Variants in ARFGEF1 observed in about 807,000 individuals in gnomAD.
ARFGEF1 encodes the protein brefeldin A-inhibited guanine nucleotide-exchange protein 1.
A neutral mutation model predicts 231.0 loss-of-function variants in ARFGEF1; 42 were observed. That is an observed-to-expected ratio of 0.18 (90% CI 0.14 to 0.24). The LOEUF (loss-of-function observed/expected upper bound fraction) is 0.24. Ranked by LOEUF, ARFGEF1 falls within the 10% of genes least tolerant of loss-of-function variation. The probability of loss-of-function intolerance (pLI) is 1.00; values close to 1 mark genes in which losing one functional copy is unlikely to be tolerated. For missense variants in ARFGEF1, 1,345 were observed against 2,192.0 expected, an observed-to-expected ratio of 0.61 and a Z score of 7.72; for synonymous variants, 710 against 732.3, an observed-to-expected ratio of 0.97 and a Z score of 0.49.
chr8:67,189,838 A>G (rs1835721854), intron 5 of ARFGEF1, among the ~76,000 whole-genome samples: 1 of 152,182 alleles, frequency 6.6e-6, no homozygotes, highest in South Asian at 2.1e-4. Flanking sequence ...ACTTTTCTTT[A>G]GGTATAATTT....
At chr8:67,269,949 G>A (rs1805007229) in intron 10 of ARFGEF1, among the ~76,000 whole-genome samples, 1 of 151,902 alleles carries the variant, frequency 6.6e-6, no homozygotes, top group Non-Finnish European at 1.5e-5. Context: ...ATATTTTACT[G>A]TCGGTAAACA....
chr8:67,215,487 T>C (rs1838893646), intron 33 of ARFGEF1, among the ~76,000 whole-genome samples: 1 of 152,210 alleles, frequency 6.6e-6, no homozygotes, highest in Admixed American at 6.5e-5. Flanking sequence ...ATTAACGATC[T>C]TGAGATGAGA....
rs55761125 is a variant in ARFGEF1, at chr8:67,307,445, G to A, written c.125-4979C>T. On this transcript the variant is annotated intron_variant, in intron 1 of 38. Transcript: ENST00000262215. Reference sequence around the variant, plus strand: ...GAAAAGCTGGTGACAACAGGGATGAGTAAATGTAAATTCCACGGACAAGGA... The same window carrying A: ...GAAAAGCTGGTGACAACAGGGATGAATAAATGTAAATTCCACGGACAAGGA... 3.3e-5 allele frequency among the ~76,000 whole-genome samples: 5 copies of A among 152,214 alleles called. No homozygotes were observed. In the East Asian group the frequency reaches 7.7e-4, roughly 23 times the overall value.
intron 22 of ARFGEF1, among the ~76,000 whole-genome samples, chr8:67,234,621 A>G (rs1477594200): frequency 6.6e-6 from 1 of 152,178 alleles, no homozygotes; most frequent in Non-Finnish European, 1.5e-5. Flanking sequence ...AGTAGGAGAT[A>G]AAGCTGAAAA....
At chr8:67,219,346 A>C in intron 30 of ARFGEF1, 85 bp downstream of exon 30, 1 of 1,445,276 alleles carries the variant, frequency 6.9e-7, no homozygotes, top group Non-Finnish European at 9.2e-7. Flanking sequence ...TTCTGTACTT[A>C]ATTTGAAACA....
intron 1 of ARFGEF1, among the ~76,000 whole-genome samples, chr8:67,332,767 C>T (rs578216424): frequency 6.6e-6 from 1 of 152,248 alleles, no homozygotes; most frequent in Admixed American, 6.5e-5. Flanking sequence ...CAGCACAGGA[C>T]TGACACATTA....
intron 5 of ARFGEF1, chr8:67,180,045 C>A: frequency 1.8e-6 from 1 of 546,244 alleles, no homozygotes. Context: ...AAGGAATATT[C>A]TTTTTTCTGT....
intron 5 of ARFGEF1, chr8:67,180,023 TAA>T (rs768421527): frequency 0.013 from 5,984 of 456,252 alleles, no homozygotes; most frequent in South Asian, 0.021. Context: ...TACAAGGTAG[TAA>T]AAAAAAAAAA....
intron 5 of ARFGEF1, among the ~76,000 whole-genome samples, chr8:67,295,589 T>C (rs763553687): frequency 6.6e-6 from 1 of 151,990 alleles, no homozygotes; most frequent in Non-Finnish European, 1.5e-5. Flanking sequence ...AGCAAGATCA[T>C]GAAAAAGATA....
chr8:67,181,722 T>C (rs1379551141), intron 5 of ARFGEF1, among the ~76,000 whole-genome samples: 1 of 152,204 alleles, frequency 6.6e-6, no homozygotes, highest in African/African-American at 2.4e-5. Context: ...TTTTAAAGTG[T>C]ACATTGACTG....
Position 67,198,673 on chromosome 8 carries a change from AGACAGGGAAG to A in ARFGEF1, c.*251_*260del. 1 of 1,169,784 alleles carries A rather than the reference AGACAGGGAAG, an allele frequency of 8.5e-7. No individual in the cohort carries two copies. 72.5% of individuals were successfully genotyped at this position (1,169,784 alleles called of 1,614,324 possible). A position where few individuals can be genotyped will look rare whatever the true frequency, so the allele number is the denominator to read the frequency against. ...AACGTGGGGCTTTTCCTGCCGTGGAAGACAGGGAAGGACCCGTGAGCATGAGCTGACACTG... is the reference window on the plus strand; with the variant it reads ...AACGTGGGGCTTTTCCTGCCGTGGAAGACCCGTGAGCATGAGCTGACACTG... On this transcript the variant is annotated 3_prime_UTR_variant, in exon 39 of 39. Coordinates refer to ENST00000262215, the MANE Select transcript of ARFGEF1 (RefSeq NM_006421.5).
chr8:67,311,623 G>GC (rs1308506799), intron 1 of ARFGEF1, among the ~76,000 whole-genome samples: 2 of 144,996 alleles, frequency 1.4e-5, no homozygotes, highest in Admixed American at 6.8e-5. Flanking sequence ...GGGGGGGTCA[G>GC]CCCCCCCGCC....
intron 6 of ARFGEF1, among the ~76,000 whole-genome samples, chr8:67,288,405 G>C (rs888196867): frequency 6.7e-6 from 1 of 149,750 alleles, no homozygotes; most frequent in Admixed American, 6.6e-5. Flanking sequence ...CTTATACTTA[G>C]TACACACATT....
At chr8:67,192,622 G>C (rs1836688994) in intron 5 of ARFGEF1, among the ~76,000 whole-genome samples, 1 of 152,100 alleles carries the variant, frequency 6.6e-6, no homozygotes, top group African/African-American at 2.4e-5. Context: ...AGATCATGAA[G>C]ATTTACTTGT....
intron 5 of ARFGEF1, among the ~76,000 whole-genome samples, chr8:67,294,857 T>C (rs1256383778): frequency 6.6e-6 from 1 of 152,094 alleles, no homozygotes. Flanking sequence ...CAGATTTTGG[T>C]TTCTAAATAC....
At chr8:67,278,629 C>T (rs1475657039) in intron 7 of ARFGEF1, among the ~76,000 whole-genome samples, 1 of 151,954 alleles carries the variant, frequency 6.6e-6, no homozygotes, top group African/African-American at 2.4e-5. Context: ...GGGTGGATCA[C>T]GAGGTCAGGA....
In ARFGEF1 at chr8:67,296,129, TCTA is replaced by T. The variant is rs148393997; in HGVS notation, c.639+299_639+301del. On this transcript the variant is annotated intron_variant, in intron 5 of 38. Coordinates refer to ENST00000262215, the MANE Select transcript of ARFGEF1 (RefSeq NM_006421.5). ...TAAGTATTTTATAGCTACATTACAC[TCTA>T]CTAAGTTTGAATGCAATAAAAGTAT... is the stretch of plus-strand genomic sequence containing the variant. Among the ~76,000 whole-genome samples, 1,318 of 152,330 alleles carry T rather than the reference TCTA, an allele frequency of 8.7e-3. 16 individuals are homozygous for T. Among genetic ancestry groups the T allele is most frequent in the African/African-American group, 0.03 (1,233 of 41,578 alleles).
chr8:67,201,640 G>A (rs1838331669), intron 36 of ARFGEF1, 35 bp from the exon 37 acceptor site: 1 of 1,611,816 alleles, frequency 6.2e-7, no homozygotes, highest in Non-Finnish European at 8.5e-7. Context: ...ATTAGTTTGG[G>A]AAGGCATCTT....
At chr8:67,276,759 G>A (rs960777792) in intron 8 of ARFGEF1, among the ~76,000 whole-genome samples, 1 of 152,122 alleles carries the variant, frequency 6.6e-6, no homozygotes, top group Non-Finnish European at 1.5e-5. Context: ...TGAAATGCTT[G>A]GGACCAGAAG....
Sources: gnomAD v4.1 joint callset for allele counts (sites outside exome capture counted in the v4.1 genomes callset) on GRCh38, gnomAD v4.1.1 for gene constraint, MANE v1.5 for transcripts, NCBI Gene and HGNC (gene_info 2026-07-23, HGNC 2026-07-21) for gene names.